Variants in SIGLEC5 observed in about 807,000 individuals in gnomAD.
SIGLEC5 encodes the protein sialic acid binding Ig like lectin 5.
In SIGLEC5, 34 loss-of-function variants were observed where a neutral mutation model predicts 45.9. The ratio of observed to expected loss-of-function variants is 0.74; its 90% CI spans 0.56 to 0.99. The LOEUF (loss-of-function observed/expected upper bound fraction) is 0.99, where lower values mean the gene tolerates loss of function less well. SIGLEC5 is among the 50% of genes least tolerant of loss of function. The pLI is 0.00. For synonymous variants in SIGLEC5, 203 were observed against 258.6 expected (o/e 0.79, Z 2.06); for missense variants, 508 against 629.6 (o/e 0.81, Z 2.07).
chr19:51,620,635 G>A (rs1289953317), intron 8 of SIGLEC5, among the ~76,000 whole-genome samples: 2 of 152,106 alleles, frequency 1.3e-5, no homozygotes, highest in Non-Finnish European at 2.9e-5. Context: ...CAGGATATTG[G>A]GTGCATTTCC....
intron 8 of SIGLEC5, among the ~76,000 whole-genome samples, chr19:51,620,087 A>G (rs1983227327): frequency 6.7e-6 from 1 of 149,514 alleles, no homozygotes; most frequent in South Asian, 2.1e-4. Flanking sequence ...CTTAGGTGAA[A>G]GGAACACGTC....
In SIGLEC5 at chr19:51,629,077, C is replaced by A; in HGVS notation, c.701-1G>T. 1 of 1,613,830 alleles carries A rather than the reference C, an allele frequency of 6.2e-7. No individual in the cohort carries two copies. The highest frequency in any genetic ancestry group is 8.5e-7 in the Non-Finnish European group (1 of 1,179,888). On this transcript the variant is annotated splice_acceptor_variant, in intron 3 of 8. Coordinates refer to ENST00000683636, the MANE Select transcript of SIGLEC5 (RefSeq NM_003830.4). LOFTEE classifies it high-confidence loss of function. ...AAGATGGTGATGGTCTGTGGAGCAT[C>A]TGGGATAAAAAGATATAAACTTGGC...
chr19:51,616,900 G>A (rs1452645618), intron 8 of SIGLEC5, among the ~76,000 whole-genome samples: 1 of 68,574 alleles, frequency 1.5e-5, no homozygotes, highest in African/African-American at 6.9e-5. Flanking sequence ...AACAGAGTGA[G>A]ACTGTCAAAA....
intron 8 of SIGLEC5, among the ~76,000 whole-genome samples, chr19:51,617,534 G>T (rs569846713): frequency 6.6e-6 from 1 of 152,280 alleles, no homozygotes; most frequent in South Asian, 2.1e-4. Flanking sequence ...CTAAATGCAA[G>T]AAACAGTGGG....
At chr19:51,612,493 T>C in intron 8 of SIGLEC5, 71 bp from the exon 9 acceptor site, 1 of 1,095,554 alleles carries the variant, frequency 9.1e-7, no homozygotes, top group Non-Finnish European at 1.3e-6. Flanking sequence ...AGTTCTTATA[T>C]TTATATGTTG....
Position 51,627,875 on chromosome 19 carries a change from G to A in SIGLEC5, c.956C>T (p.Pro319Leu), listed in dbSNP as rs767883806. The change falls in exon 5 of 9, where the codon CCG (proline) becomes CTG (leucine). Residue 319 changes from proline (P) to leucine (L), a missense_variant. Transcript: ENST00000683636. ...CAGAAAAATTTGCAGGAAGCCCAGC[G>A]GGTGCTGAGCGCGGCAGGTGAAGCC... ...EGGFTCRAQH[P>L]LGFLQIFLNL... 6.8e-6 allele frequency: 11 copies of A among 1,611,868 alleles called. No homozygotes were observed. The highest frequency in any genetic ancestry group is 3.4e-6 in the Non-Finnish European group (4 of 1,179,026).
At chr19:51,623,175 C>T (rs1259259109) in intron 8 of SIGLEC5, among the ~76,000 whole-genome samples, 1 of 151,812 alleles carries the variant, frequency 6.6e-6, no homozygotes, top group Admixed American at 6.6e-5. Context: ...TAATATGTAC[C>T]CACAAAATTA....
At chr19:51,618,076 G>A (rs1200050306) in intron 8 of SIGLEC5, among the ~76,000 whole-genome samples, 2 of 150,890 alleles carry the variant, frequency 1.3e-5, no homozygotes, top group Non-Finnish European at 2.9e-5. Context: ...GGAATTACAG[G>A]TATGCATCAC....
chr19:51,615,063 T>C (rs1568587772), intron 8 of SIGLEC5, among the ~76,000 whole-genome samples: 1 of 152,196 alleles, frequency 6.6e-6, no homozygotes. Flanking sequence ...CCAGGGACCA[T>C]GCTGTGCCTC....
intron 8 of SIGLEC5, among the ~76,000 whole-genome samples, chr19:51,616,561 T>A (rs918743325): frequency 1.3e-5 from 2 of 151,722 alleles, no homozygotes; most frequent in African/African-American, 4.8e-5. Context: ...TAAAAGGAAG[T>A]AGGGAAGGAT....
At chr19:51,613,880 G>A (rs1435205359) in intron 8 of SIGLEC5, among the ~76,000 whole-genome samples, 1 of 151,984 alleles carries the variant, frequency 6.6e-6, no homozygotes, top group Non-Finnish European at 1.5e-5. Flanking sequence ...GACCTAGGCA[G>A]GAGGAGCGGA....
chr19:51,628,401 G>A (rs1016118688), intron 4 of SIGLEC5, among the ~76,000 whole-genome samples: 21 of 152,304 alleles, frequency 1.4e-4, no homozygotes, highest in African/African-American at 5.1e-4. Context: ...AAATAAGACT[G>A]AGGATGCAGG....
intron 4 of SIGLEC5, among the ~76,000 whole-genome samples, chr19:51,628,453 A>C (rs1370542348): frequency 1.3e-5 from 2 of 152,152 alleles, no homozygotes; most frequent in Non-Finnish European, 2.9e-5. Context: ...GGGCTGACTG[A>C]GATGAGAGGG....
At chr19:51,626,169 G>A (rs1983473247) in intron 7 of SIGLEC5, 56 bp from the exon 8 acceptor site, 9 of 1,409,854 alleles carry the variant, frequency 6.4e-6, no homozygotes, top group South Asian at 5.8e-5. Context: ...GGGTTAGCGG[G>A]TTGTCCCATC....
intron 8 of SIGLEC5, among the ~76,000 whole-genome samples, chr19:51,620,360 G>A (rs1321796470): frequency 2.0e-5 from 3 of 152,068 alleles, no homozygotes; most frequent in Non-Finnish European, 4.4e-5. Context: ...GCATATAGAC[G>A]CAAAAGTGCT....
Position 51,626,027 on chromosome 19 carries a change from C to T in SIGLEC5, c.1464+5G>A, listed in dbSNP as rs1292443568. On this transcript the variant is annotated splice_donor_5th_base_variant and intron_variant, in intron 8 of 8. Coordinates refer to ENST00000683636, the MANE Select transcript of SIGLEC5 (RefSeq NM_003830.4). ...TGCACATGAGAAGATCCCCAAACCA[C>T]TCACCGAGGTGATGGTACCCATAAT... 4 of 1,612,262 alleles carry T rather than the reference C, an allele frequency of 2.5e-6. No homozygotes were observed. The African/African-American group carries it at 4.0e-5, about 16-fold the overall frequency.
intron 7 of SIGLEC5, 83 bp downstream of exon 7, chr19:51,627,066 G>T: frequency 9.5e-7 from 1 of 1,050,772 alleles, no homozygotes; most frequent in Non-Finnish European, 1.4e-6. Flanking sequence ...ACCACCTCTG[G>T]CCTTAGCTCT....
intron 8 of SIGLEC5, among the ~76,000 whole-genome samples, chr19:51,620,914 G>C (rs1983260875): frequency 6.6e-6 from 1 of 152,014 alleles, no homozygotes; most frequent in African/African-American, 2.4e-5. Flanking sequence ...TGAACTCCTG[G>C]CCTCAAGAGA....
chr19:51,615,686 T>A (rs1332104024), intron 8 of SIGLEC5, among the ~76,000 whole-genome samples: 1 of 152,200 alleles, frequency 6.6e-6, no homozygotes, highest in Non-Finnish European at 1.5e-5. Context: ...GATGGAGGGA[T>A]GACTTAAGCT....
Sources: allele counts gnomAD v4.1 joint callset (sites outside exome capture counted in the v4.1 genomes callset), GRCh38; gene constraint gnomAD v4.1.1; transcripts MANE v1.5; gene names NCBI Gene and HGNC (gene_info 2026-07-23, HGNC 2026-07-21).